Variants in KIF16B observed in about 807,000 individuals in gnomAD.
The protein encoded by KIF16B is kinesin-like protein KIF16B.
KIF16B carries 98 observed loss-of-function variants against 156.3 expected under a neutral mutation model. The ratio of observed to expected loss-of-function variants is 0.63; its 90% CI spans 0.53 to 0.74. The LOEUF (loss-of-function observed/expected upper bound fraction) is 0.74, where lower values mean the gene tolerates loss of function less well. Among genes scored for constraint, KIF16B ranks in the 30% least tolerant of loss-of-function variants. The pLI is 0.00. For missense variants in KIF16B, 1,421 were observed against 1,606.5 expected (o/e 0.88, Z 1.97); for synonymous variants, 564 against 583.7 (o/e 0.97, Z 0.49).
chr20:16,381,321 C>T (rs181483764), intron 18 of KIF16B, among the ~76,000 whole-genome samples: 2 of 152,132 alleles, frequency 1.3e-5, no homozygotes, highest in Non-Finnish European at 2.9e-5. Flanking sequence ...AGAAGGAAGG[C>T]AAATTGTCAT....
chr20:16,497,657 T>C lies in KIF16B; in HGVS notation c.1198A>G (p.Thr400Ala), dbSNP rs771102310. The C allele has an allele frequency of 6.2e-7, 1 of 1,611,054 alleles. No individual in the cohort carries two copies. Reference sequence around the variant, plus strand: ...AGTTTTTCCTCCATACTTAAAGCTGTGGGGGAGTCTAAGAGGGCAATCTAC... The same window carrying C: ...AGTTTTTCCTCCATACTTAAAGCTGCGGGGGAGTCTAAGAGGGCAATCTAC... The part of the protein sequence containing the change: ...GNQIALLDSP[T>A]ALSMEEKLQQ... The change falls in exon 11 of 26, where the codon ACA becomes GCA. Residue 400 changes from threonine to alanine, a missense_variant. By Grantham distance (58) the Thr-to-Ala change is moderately conservative (BLOSUM62 0). Coordinates refer to ENST00000354981, the MANE Select transcript of KIF16B (RefSeq NM_024704.5).
intron 12 of KIF16B, among the ~76,000 whole-genome samples, chr20:16,433,580 GACACAC>G (rs11469019): frequency 4.6e-5 from 7 of 150,740 alleles, no homozygotes; most frequent in East Asian, 2.0e-4. Context: ...CCAGCATGTA[GACACAC>G]ACACACACAC....
chr20:16,316,926 C>T (rs930546249), intron 24 of KIF16B, among the ~76,000 whole-genome samples: 1 of 152,178 alleles, frequency 6.6e-6, no homozygotes, highest in Admixed American at 6.5e-5. Context: ...CAAAAAATCT[C>T]TTCCATTTTG....
chr20:16,300,484 CTCT>C (rs1460759771), intron 25 of KIF16B, among the ~76,000 whole-genome samples: 6 of 152,094 alleles, frequency 3.9e-5, no homozygotes, highest in African/African-American at 1.2e-4. Context: ...CTTCTCTTCC[CTCT>C]TCTTCTTTTT....
At chr20:16,415,108 A>T (rs546776558) in intron 15 of KIF16B, among the ~76,000 whole-genome samples, 26 of 152,238 alleles carry the variant, frequency 1.7e-4, no homozygotes, top group African/African-American at 6.0e-4. Context: ...CTGTATATGG[A>T]ATAGGTCTGT....
chr20:16,301,713 T>C (rs1212319082), intron 25 of KIF16B, among the ~76,000 whole-genome samples: 1 of 152,162 alleles, frequency 6.6e-6, no homozygotes, highest in East Asian at 1.9e-4. Context: ...TGGAGTGCAG[T>C]GATGCTATCG....
In KIF16B at chr20:16,506,002, G is replaced by A; in HGVS notation, c.868+20C>T. On this transcript the variant is annotated intron_variant, in intron 8 of 25. Transcript: ENST00000354981. ...AAAAGAGGAGGAAACAGAGGAGGCAGGAGCCAGGCGTAAGCATACCTAAGG... is the reference window on the plus strand; with the variant it reads ...AAAAGAGGAGGAAACAGAGGAGGCAAGAGCCAGGCGTAAGCATACCTAAGG... 1 of 1,613,370 alleles carries A rather than the reference G, an allele frequency of 6.2e-7. No homozygotes were observed. Among genetic ancestry groups the A allele is most frequent in the Non-Finnish European group, 8.5e-7 (1 of 1,179,328 alleles).
chr20:16,521,332 G>C (rs1436131509), intron 3 of KIF16B, among the ~76,000 whole-genome samples: 1 of 151,934 alleles, frequency 6.6e-6, no homozygotes, highest in Non-Finnish European at 1.5e-5. Context: ...TAAATGACCT[G>C]ATCGAGCTGA....
intron 25 of KIF16B, among the ~76,000 whole-genome samples, chr20:16,297,556 C>A (rs1011311658): frequency 6.6e-6 from 1 of 151,916 alleles, no homozygotes; most frequent in African/African-American, 2.4e-5. Context: ...ATTAGCTGGG[C>A]GTGGTGGCGG....
Position 16,273,720 on chromosome 20 carries a change from T to A in KIF16B, c.3796-309A>T, listed in dbSNP as rs561677829. Among the ~76,000 whole-genome samples, 25 of 152,100 alleles carry A rather than the reference T, an allele frequency of 1.6e-4. No homozygotes were observed. In the South Asian group the frequency reaches 5.2e-3, roughly 32 times the overall value. Reference sequence around the variant, plus strand: ...CAATCAGAATACGGTCAAGGTACTGTTGGATGGTGTCAAGAAGAGAAAAAA... The same window carrying A: ...CAATCAGAATACGGTCAAGGTACTGATGGATGGTGTCAAGAAGAGAAAAAA... On this transcript the variant is annotated intron_variant, in intron 25 of 25. Coordinates refer to ENST00000354981, the MANE Select transcript of KIF16B (RefSeq NM_024704.5).
chr20:16,443,556 T>C (rs549990206), intron 12 of KIF16B, among the ~76,000 whole-genome samples: 1 of 152,286 alleles, frequency 6.6e-6, no homozygotes, highest in South Asian at 2.1e-4. Flanking sequence ...TCTAATCAAT[T>C]TGGCCTGGAT....
intron 25 of KIF16B, among the ~76,000 whole-genome samples, chr20:16,310,774 T>C (rs539866314): frequency 6.6e-6 from 1 of 152,322 alleles, no homozygotes; most frequent in South Asian, 2.1e-4. Flanking sequence ...TTCAGTTGGG[T>C]ATCAGGATCA....
At chr20:16,374,154 G>T in intron 20 of KIF16B, 103 bp downstream of exon 20, 2 of 1,154,750 alleles carry the variant, frequency 1.7e-6, no homozygotes, top group Non-Finnish European at 2.3e-6. Context: ...ATTACTTGTT[G>T]CCCTTAATAG....
intron 12 of KIF16B, among the ~76,000 whole-genome samples, chr20:16,479,331 T>G (rs6034492): frequency 0.75 from 114,397 of 151,804 alleles, 43,845 homozygotes; most frequent in African/African-American, 0.89. Flanking sequence ...ACACAGGGAG[T>G]GGAACAACAC....
chr20:16,448,516 A>T (rs956791380), intron 12 of KIF16B, among the ~76,000 whole-genome samples: 5 of 152,192 alleles, frequency 3.3e-5, no homozygotes, highest in Non-Finnish European at 7.4e-5. Context: ...AGTGTCAGAG[A>T]ACAAAGAAAA....
At chr20:16,346,230 A>G (rs1477039046) in intron 23 of KIF16B, among the ~76,000 whole-genome samples, 1 of 152,254 alleles carries the variant, frequency 6.6e-6, no homozygotes, top group Non-Finnish European at 1.5e-5. Context: ...TTCTAAAGAC[A>G]GCACATTGCA....
In KIF16B at chr20:16,344,389, C is replaced by T. The variant is rs183597518; in HGVS notation, c.3622-8374G>A. On this transcript the variant is annotated intron_variant, in intron 23 of 25. Transcript: ENST00000354981. ...AAATCTTTCTGAGGACAGACAGTGC[C>T]GGTGCTTTCTGATTTCTGTGGGCAT... Among the ~76,000 whole-genome samples, 10 of 152,244 alleles carry T rather than the reference C, an allele frequency of 6.6e-5. No homozygotes were observed. The East Asian group carries it at 1.2e-3, about 18-fold the overall frequency.
intron 4 of KIF16B, among the ~76,000 whole-genome samples, chr20:16,514,941 G>A (rs1208115711): frequency 1.3e-5 from 2 of 148,336 alleles, no homozygotes; most frequent in Non-Finnish European, 3.0e-5. Flanking sequence ...TCTAAATCTG[G>A]AGAAAACACA....
Position 16,390,648 on chromosome 20 carries a change from C to G in KIF16B, c.1785-8901G>C, listed in dbSNP as rs530878134. ...CTACCCAGGCTGGAATTCTATCTCA[C>G]CTTCTCAACCAAACCATGGTACTTT... On this transcript the variant is annotated intron_variant, in intron 17 of 25. Coordinates refer to ENST00000354981, the MANE Select transcript of KIF16B (RefSeq NM_024704.5). 3.3e-5 allele frequency among the ~76,000 whole-genome samples: 5 copies of G among 152,276 alleles called. No homozygotes were observed. In the East Asian group the frequency reaches 9.6e-4, roughly 29 times the overall value.
Sources: gnomAD v4.1 joint callset for allele counts (sites outside exome capture counted in the v4.1 genomes callset) on GRCh38, gnomAD v4.1.1 for gene constraint, MANE v1.5 for transcripts, NCBI Gene and HGNC (gene_info 2026-07-23, HGNC 2026-07-21) for gene names.